DLG5: variants seen among roughly 807,000 people sequenced by gnomAD.
DLG5 encodes the protein discs large MAGUK scaffold protein 5, also known as disks large homolog 5.
In DLG5, 48 loss-of-function variants were observed where a neutral mutation model predicts 189.8. The ratio of observed to expected loss-of-function variants is 0.25; its 90% CI spans 0.20 to 0.32. The LOEUF is 0.32. DLG5 is among the 10% of genes least tolerant of loss of function. The pLI is 1.00. For missense variants in DLG5, 2,160 were observed against 2,544.7 expected (o/e 0.85, Z 3.25); for synonymous variants, 1,016 against 1,054.1 (o/e 0.96, Z 0.70).
At chr10:77,889,692 G>T (rs1037324125) in intron 1 of DLG5, among the ~76,000 whole-genome samples, 1 of 152,174 alleles carries the variant, frequency 6.6e-6, no homozygotes, top group East Asian at 1.9e-4. Flanking sequence ...AGGGTCACAG[G>T]CTACTTCATC....
At chr10:77,935,853 A>G in the DLG5 span, among the ~76,000 whole-genome samples, 2 of 152,082 alleles carry the variant, frequency 1.3e-5, no homozygotes, top group Admixed American at 6.6e-5. Context: ...CACATGGGAA[A>G]TTGCACGTGG....
At position 77,816,687 on chromosome 10, in the gene DLG5, A is replaced by G; in HGVS notation, c.3889T>C (p.Ser1297Pro). 6.2e-7 allele frequency: 1 copy of G among 1,610,342 alleles called. No homozygotes were observed. Among genetic ancestry groups the G allele is most frequent in the Non-Finnish European group, 8.5e-7 (1 of 1,178,064 alleles). The change falls in exon 20 of 32, where the codon TCT becomes CCT. Residue 1297 changes from serine (S) to proline (P), a missense_variant. By Grantham distance (74) the Ser-to-Pro change is moderately conservative. Transcript: ENST00000372391. ...GACTGTGGAGGAGTGCTGCATTCAGAATGTGACACTGAACCTGCAGAGAGG... is the reference window on the plus strand; with the variant it reads ...GACTGTGGAGGAGTGCTGCATTCAGGATGTGACACTGAACCTGCAGAGAGG... Reference protein sequence around the residue: ...VGSERGSVSHSECSTPPQSPL... With the variant: ...VGSERGSVSHPECSTPPQSPL...
At chr10:77,877,632 C>T (rs537880357) in intron 1 of DLG5, among the ~76,000 whole-genome samples, 6 of 152,308 alleles carry the variant, frequency 3.9e-5, no homozygotes, top group South Asian at 2.1e-4. Context: ...GACCACCTCT[C>T]GGTTCCTGCT....
At chr10:77,938,571 G>A in the DLG5 span, among the ~76,000 whole-genome samples, 1 of 152,172 alleles carries the variant, frequency 6.6e-6, no homozygotes, top group African/African-American at 2.4e-5. Flanking sequence ...GTCTAGACCA[G>A]GGACTCAGGT....
At chr10:77,823,700 T>C (rs1842480502) in intron 14 of DLG5, among the ~76,000 whole-genome samples, 1 of 152,128 alleles carries the variant, frequency 6.6e-6, no homozygotes, top group South Asian at 2.1e-4. Context: ...CCGGCTATTT[T>C]TGTATTTTTA....
chr10:77,798,294 T>C (rs1841026807), intron 27 of DLG5, among the ~76,000 whole-genome samples: 1 of 152,194 alleles, frequency 6.6e-6, no homozygotes, highest in Non-Finnish European at 1.5e-5. Context: ...TGTTTAAAAC[T>C]GGAGGAGGGT....
At chr10:77,853,319 G>A (rs1844071315) in intron 5 of DLG5, 35 bp downstream of exon 5, 1 of 1,441,820 alleles carries the variant, frequency 6.9e-7, no homozygotes, top group Middle Eastern at 1.8e-4. Flanking sequence ...AGGACTACTT[G>A]GGAGAAATGG....
chr10:77,938,378 C>T, the DLG5 span, among the ~76,000 whole-genome samples: 3 of 152,090 alleles, frequency 2.0e-5, no homozygotes, highest in African/African-American at 7.2e-5. Context: ...CTGCAGTGAG[C>T]TATGATTGTG....
At chr10:77,915,947 C>T (rs999570209) in intron 1 of DLG5, among the ~76,000 whole-genome samples, 1 of 152,102 alleles carries the variant, frequency 6.6e-6, no homozygotes, top group South Asian at 2.1e-4. Context: ...TGTCTGGCCT[C>T]CAAAGAGTCA....
At chr10:77,871,536 C>CTTTTTTTTTTT (rs34326711) in intron 1 of DLG5, among the ~76,000 whole-genome samples, 1 of 83,886 alleles carries the variant, frequency 1.2e-5, no homozygotes, top group Non-Finnish European at 2.1e-5. Flanking sequence ...AAGCATCACA[C>CTTTTTTTTTTT]TTTTTTTTTT....
chr10:77,810,982 C>T (rs550536775), intron 23 of DLG5, 112 bp downstream of exon 23: 81 of 1,344,664 alleles, frequency 6.0e-5, no homozygotes, highest in East Asian at 1.7e-4. Context: ...ACCTGGTGTG[C>T]GGCCTGCAGC....
chr10:77,806,394 G>A (rs1368032404), intron 26 of DLG5, among the ~76,000 whole-genome samples: 1 of 152,176 alleles, frequency 6.6e-6, no homozygotes, highest in African/African-American at 2.4e-5. Flanking sequence ...GGGTTTGTTT[G>A]AGGTGATGGA....
chr10:77,808,245 C>T (rs1436980529), intron 24 of DLG5, among the ~76,000 whole-genome samples: 1 of 152,170 alleles, frequency 6.6e-6, no homozygotes, highest in African/African-American at 2.4e-5. Context: ...AGGGACCTTC[C>T]TCTTGCTGAT....
At chr10:77,805,562 G>T in intron 27 of DLG5, 103 bp downstream of exon 27, 1 of 1,362,248 alleles carries the variant, frequency 7.3e-7, no homozygotes, top group Non-Finnish European at 1.0e-6. Context: ...GCGCACAAAA[G>T]CAAAGTAAGA....
At position 77,843,865 on chromosome 10, in the gene DLG5, C is replaced by T. The variant is rs1843553092; in HGVS notation, c.865-159G>A. 1.3e-5 allele frequency among the ~76,000 whole-genome samples: 2 copies of T among 152,088 alleles called. 1 individual carries two copies. The highest frequency in any genetic ancestry group is 4.1e-4 in the South Asian group (2 of 4,822). On this transcript the variant is annotated intron_variant, in intron 5 of 31. Transcript: ENST00000372391. ...TTGAGAGTCTTGAGGTCCAATTCTC[C>T]AGGCCCTGCAGTCACACTGGGCTGA...
upstream of DLG5, chr10:77,929,766 C>T (rs542214916): frequency 6.6e-6 from 1 of 152,362 alleles, no homozygotes; most frequent in Non-Finnish European, 1.5e-5. Flanking sequence ...AACCCTCCAA[C>T]ACCTGGATTT....
Position 77,821,731 on chromosome 10 carries a change from G to C in DLG5, c.2753C>G (p.Pro918Arg). The change falls in exon 15 of 32, where the codon CCC becomes CGC. Residue 918 changes from proline to arginine, a missense_variant. Pro to Arg is a moderately radical substitution (Grantham distance 103). Transcript: ENST00000372391. The part of the protein sequence containing the change: ...VDVRGRRPLL[P>R]FETEVGPCGV... ...ACAGGGGCCCACCTCGGTCTCAAAGGGCAGCAGTGGCCGCCGGCCACGCAC... is the reference window on the plus strand; with the variant it reads ...ACAGGGGCCCACCTCGGTCTCAAAGCGCAGCAGTGGCCGCCGGCCACGCAC... 5 of 1,610,536 alleles carry C rather than the reference G, an allele frequency of 3.1e-6. No homozygotes were observed. The highest frequency in any genetic ancestry group is 4.2e-6 in the Non-Finnish European group (5 of 1,179,000).
intron 5 of DLG5, among the ~76,000 whole-genome samples, chr10:77,849,273 G>A (rs762511270): frequency 3.9e-5 from 6 of 152,238 alleles, no homozygotes; most frequent in South Asian, 4.1e-4. Context: ...TTTACAAGGC[G>A]TGGGAGGAAC....
At chr10:77,843,808 G>T in intron 5 of DLG5, 102 bp from the exon 6 acceptor site, 3 of 1,496,624 alleles carry the variant, frequency 2.0e-6, no homozygotes, top group Non-Finnish European at 1.8e-6. Flanking sequence ...TGATGACAAG[G>T]CGGTTGGGGG....
Sources: allele counts gnomAD v4.1 joint callset (sites outside exome capture counted in the v4.1 genomes callset), GRCh38; gene constraint gnomAD v4.1.1; transcripts MANE v1.5; gene names NCBI Gene and HGNC (gene_info 2026-07-23, HGNC 2026-07-21).